MEIOB: variants seen among roughly 807,000 people sequenced by gnomAD.
The protein encoded by MEIOB is meiosis specific with OB-fold.
A neutral mutation model predicts 53.1 loss-of-function variants in MEIOB; 50 were observed. That is an observed-to-expected ratio of 0.94 (90% CI 0.75 to 1.19). The LOEUF is 1.19. Among genes scored for constraint, MEIOB ranks in the 50% most tolerant of loss-of-function variants. MEIOB has a pLI of 0.00. For synonymous variants in MEIOB, 192 were observed against 182.5 expected (o/e 1.05, Z -0.42); for missense variants, 551 against 550.8 (o/e 1.00, Z 0.00).
chr16:1,868,830 G>A (rs1008742210), intron 1 of MEIOB, among the ~76,000 whole-genome samples: 1 of 151,832 alleles, frequency 6.6e-6, no homozygotes, highest in Admixed American at 6.6e-5. Flanking sequence ...ACTCCAGCCT[G>A]GATGACAGAG....
chr16:1,850,574 A>T (rs76311058), intron 9 of MEIOB, among the ~76,000 whole-genome samples: 4 of 142,262 alleles, frequency 2.8e-5, no homozygotes, highest in African/African-American at 1.0e-4. Flanking sequence ...GACTCCATTT[A>T]AAAAAAAAAA....
chr16:1,839,270 C>T lies in MEIOB; in HGVS notation c.1203G>A (p.Glu401=), dbSNP rs1898834020. Residue 401 remains glutamate (E), a synonymous_variant, in exon 12 of 14, where the codon GAG becomes GAA. Transcript: ENST00000325962. The stretch of plus-strand genomic sequence containing the variant: ...TGCTATTTACCGTGCAGCCCAAAGT[C>T]TCCTCAGCAACACTTCCTGTGAGAC... ...SCSLTGSVAE[E]TLGCTVHEFL... The T allele has an allele frequency of 1.9e-6, 3 of 1,608,412 alleles. No homozygotes were observed. The highest frequency in any genetic ancestry group is 2.5e-6 in the Non-Finnish European group (3 of 1,177,850).
chr16:1,866,581 G>A (rs2974852), intron 2 of MEIOB, among the ~76,000 whole-genome samples: 125,237 of 151,776 alleles, frequency 0.83, 51,791 homozygotes, highest in Middle Eastern at 0.9. Context: ...AATTAGCCAG[G>A]TGTGGTGGTG....
At chr16:1,849,053 G>C (rs1158657966) in intron 9 of MEIOB, among the ~76,000 whole-genome samples, 1 of 152,254 alleles carries the variant, frequency 6.6e-6, no homozygotes, top group East Asian at 1.9e-4. Context: ...GGGAGGCCAA[G>C]ACCAGTGGAT....
At chr16:1,860,345 T>C (rs1017507355) in intron 5 of MEIOB, 58 bp downstream of exon 5, 6 of 925,352 alleles carry the variant, frequency 6.5e-6, no homozygotes, top group South Asian at 5.9e-5. Flanking sequence ...GCTAATCTGA[T>C]ACAACATTAT....
intron 13 of MEIOB, 22 bp from the exon 14 acceptor site, chr16:1,834,388 G>T (rs1469693953): frequency 3.1e-6 from 4 of 1,290,854 alleles, no homozygotes; most frequent in East Asian, 2.3e-5. Flanking sequence ...AACAGAAAAA[G>T]AGACAAAAGG....
intron 10 of MEIOB, among the ~76,000 whole-genome samples, chr16:1,842,500 G>GT (rs1898936270): frequency 6.7e-6 from 1 of 149,846 alleles, no homozygotes; most frequent in Non-Finnish European, 1.5e-5. Context: ...GTGCATGCCT[G>GT]TAATCCCAGC....
chr16:1,852,905 A>C (rs778730198), intron 9 of MEIOB, 134 bp downstream of exon 9: 92 of 617,668 alleles, frequency 1.5e-4, no homozygotes, highest in Non-Finnish European at 2.3e-4. Context: ...TTTTTAAAAA[A>C]GTTATATAAA....
chr16:1,838,038 C>T, intron 12 of MEIOB, 168 bp from the exon 13 acceptor site: 1 of 1,329,682 alleles, frequency 7.5e-7, no homozygotes, highest in South Asian at 1.6e-5. Flanking sequence ...ACTCTGTCGC[C>T]CAAGCTGGAG....
chr16:1,843,864 A>T (rs1417772244), intron 10 of MEIOB, among the ~76,000 whole-genome samples: 3 of 152,166 alleles, frequency 2.0e-5, no homozygotes, highest in Non-Finnish European at 4.4e-5. Context: ...TCTTCCAGGA[A>T]CTAATATTAC....
At chr16:1,845,658 G>A (rs547600418) in intron 9 of MEIOB, among the ~76,000 whole-genome samples, 4 of 151,450 alleles carry the variant, frequency 2.6e-5, no homozygotes, top group South Asian at 2.1e-4. Context: ...AATTTTATAC[G>A]TATTTCTTTA....
intron 10 of MEIOB, among the ~76,000 whole-genome samples, chr16:1,842,881 T>C (rs62038429): frequency 0.18 from 25,879 of 147,694 alleles, 2,410 homozygotes; most frequent in South Asian, 0.27. Flanking sequence ...CCAGGATGGT[T>C]TCCATCTCCT....
At chr16:1,852,538 G>A (rs1899199349) in intron 9 of MEIOB, among the ~76,000 whole-genome samples, 1 of 151,492 alleles carries the variant, frequency 6.6e-6, no homozygotes, top group Non-Finnish European at 1.5e-5. Flanking sequence ...TGGAATTACA[G>A]GTGTGAGCCA....
chr16:1,847,386 C>T (rs917161574), intron 9 of MEIOB, among the ~76,000 whole-genome samples: 6 of 151,944 alleles, frequency 3.9e-5, no homozygotes, highest in African/African-American at 1.5e-4. Context: ...TGCTTGAACC[C>T]TGGAGGCGGA....
chr16:1,849,443 G>A (rs1366110394), intron 9 of MEIOB, among the ~76,000 whole-genome samples: 2 of 149,884 alleles, frequency 1.3e-5, no homozygotes, highest in Non-Finnish European at 3.0e-5. Context: ...CTACTCGGGA[G>A]GCTGAGGCAG....
In MEIOB at chr16:1,857,468, G is replaced by T. The variant is rs148495664; in HGVS notation, c.528+267C>A. On this transcript the variant is annotated intron_variant, in intron 6 of 13. Transcript: ENST00000325962. ...TCTTTGTTTAAGCAATGTATAAAAA[G>T]TTCTCCTATAGTTAGCAGATCATTT... is the stretch of plus-strand genomic sequence containing the variant. Among the ~76,000 whole-genome samples the T allele has an allele frequency of 2.0e-5, 3 of 152,294 alleles. No individual in the cohort carries two copies. In the East Asian group the frequency reaches 5.8e-4, roughly 29 times the overall value.
intron 9 of MEIOB, 118 bp from the exon 10 acceptor site, chr16:1,845,081 T>C: frequency 3.5e-6 from 2 of 572,626 alleles, no homozygotes; most frequent in Non-Finnish European, 6.2e-6. Flanking sequence ...TACAATCAAA[T>C]AGAATATTAC....
chr16:1,837,496 G>C (rs1401360102), intron 13 of MEIOB, among the ~76,000 whole-genome samples: 1 of 152,072 alleles, frequency 6.6e-6, no homozygotes, highest in Non-Finnish European at 1.5e-5. Context: ...GTGTACTATT[G>C]CACCCATCAG....
chr16:1,863,736 A>T lies in MEIOB; in HGVS notation c.128-1620T>A, dbSNP rs67170658. Among the ~76,000 whole-genome samples the T allele has an allele frequency of 2.8e-4, 32 of 115,248 alleles. No homozygotes were observed. In the East Asian group the frequency reaches 4.3e-3, roughly 16 times the overall value. The allele number at this position is 115,248 out of a possible 152,430, so 75.6% of individuals were successfully genotyped here. On this transcript the variant is annotated intron_variant, in intron 3 of 13. Coordinates refer to ENST00000325962, the MANE Select transcript of MEIOB (RefSeq NM_001163560.3). The stretch of plus-strand genomic sequence containing the variant: ...GTGAGACCCTGTCTCAAAAAAAAAA[A>T]AAATAAATTTTAAAAATAATTAAAA...
Sources: allele counts gnomAD v4.1 joint callset (sites outside exome capture counted in the v4.1 genomes callset), GRCh38; gene constraint gnomAD v4.1.1; transcripts MANE v1.5; gene names NCBI Gene and HGNC (gene_info 2026-07-23, HGNC 2026-07-21).